The following IGSF22 variants were observed in gnomAD, a reference collection of about 807,000 sequenced individuals.
The protein encoded by IGSF22 is immunoglobulin superfamily member 22.
A neutral mutation model predicts 127.0 loss-of-function variants in IGSF22; 119 were observed. The ratio of observed to expected loss-of-function variants is 0.94; its 90% CI spans 0.81 to 1.09. The LOEUF is 1.09. Among genes scored for constraint, IGSF22 ranks in the 50% least tolerant of loss-of-function variants. IGSF22 has a pLI of 0.00. For missense variants in IGSF22, 1,518 were observed against 1,716.6 expected (o/e 0.88, Z 2.04); for synonymous variants, 568 against 664.7 (o/e 0.85, Z 2.24).
rs1564873706 is a variant in IGSF22, at chr11:18,716,964, A to G, written c.1010T>C (p.Val337Ala). The G allele has an allele frequency of 6.2e-7, 1 of 1,614,110 alleles. No individual in the cohort carries two copies. The change falls in exon 10 of 23, where the codon GTG becomes GCG. Residue 337 changes from valine (V) to alanine (A), a missense_variant. Val to Ala is a moderately conservative substitution (Grantham distance 64). Around this residue, in one of 3 missense-constraint regions of IGSF22, gnomAD observed 1,456 missense variants for 1,644.9 expected, o/e 0.89. Transcript: ENST00000513874. The surrounding 1 kb of genome is among the most constrained non-coding windows in gnomAD (Gnocchi z 4.5). Reference protein sequence around the residue: ...PLKFLGEMKPVKVTERQTAVF... With the variant: ...PLKFLGEMKPAKVTERQTAVF... Reference sequence around the variant, plus strand: ...AGCTGTCTGGCGCTCTGTCACCTTCACAGGCTTCATCTCTCCCAGGAACTT... The same window carrying G: ...AGCTGTCTGGCGCTCTGTCACCTTCGCAGGCTTCATCTCTCCCAGGAACTT...
At chr11:18,717,562 ATTAT>A (rs1485703244) in intron 9 of IGSF22, among the ~76,000 whole-genome samples, 1 of 151,978 alleles carries the variant, frequency 6.6e-6, no homozygotes, top group African/African-American at 2.4e-5. Flanking sequence ...TACCTGGCCA[ATTAT>A]TTATTTATTT....
intron 15 of IGSF22, among the ~76,000 whole-genome samples, chr11:18,711,551 C>T (rs921840941): frequency 6.6e-6 from 1 of 152,116 alleles, no homozygotes; most frequent in Non-Finnish European, 1.5e-5. Flanking sequence ...GAGCCCGCCA[C>T]CACACCCAGC....
At chr11:18,708,085 G>T in intron 19 of IGSF22, 89 bp from the exon 20 acceptor site, 1 of 1,548,500 alleles carries the variant, frequency 6.5e-7, no homozygotes, top group Non-Finnish European at 8.9e-7. Context: ...TTCCTGCCAG[G>T]CTGTCGCACT....
At chr11:18,721,414 T>A (rs1203414897) in intron 4 of IGSF22, 121 bp downstream of exon 4, 1 of 1,332,168 alleles carries the variant, frequency 7.5e-7, no homozygotes, top group Non-Finnish European at 1.1e-6. Context: ...CAGCTGCTTT[T>A]CCCACTGCCC....
chr11:18,711,819 A>G (rs1848362139), intron 15 of IGSF22, among the ~76,000 whole-genome samples: 1 of 152,210 alleles, frequency 6.6e-6, no homozygotes, highest in Non-Finnish European at 1.5e-5. Context: ...TCTGGGATGG[A>G]GAAAGAAGTG....
Position 18,707,017 on chromosome 11 carries a change from C to CA in IGSF22, c.3476dup (p.Leu1160AlafsTer15), listed in dbSNP as rs1412484118. 1.3e-6 allele frequency: 2 copies of CA among 1,551,514 alleles called. No homozygotes were observed. Among genetic ancestry groups the CA allele is most frequent in the South Asian group, 2.4e-5 (2 of 84,026 alleles). On this transcript the variant is annotated frameshift_variant, in exon 21 of 23. Transcript: ENST00000513874. LOFTEE classifies it high-confidence loss of function. ...TGAAGTAGTACTTCCTGCCTGGGAG[C>CA]AGCCCCGTCACTGTGTACTTGTTGC...
Position 18,712,178 on chromosome 11 carries a change from C to T in IGSF22, c.2302G>A (p.Glu768Lys). 1 of 1,551,754 alleles carries T rather than the reference C, an allele frequency of 6.4e-7. No homozygotes were observed. Among genetic ancestry groups the T allele is most frequent in the Non-Finnish European group, 8.7e-7 (1 of 1,146,996 alleles). ...VTNFSTNKVE[E>K]GKAYQFRILA... ...ATACGGAACTGGTAGGCTTTTCCCT[C>T]TTCCACCTTGTTGGTGGAGAAGTTG... Residue 768 changes from glutamate to lysine, a missense_variant, in exon 15 of 23, where the codon GAG (glutamate) becomes AAG (lysine). By Grantham distance (56) the Glu-to-Lys change is moderately conservative (BLOSUM62 1). Coordinates refer to ENST00000513874, the MANE Select transcript of IGSF22 (RefSeq NM_173588.4).
rs570559851 is a variant in IGSF22 at position 18,723,877 on chromosome 11, A to G, written c.109+251T>C. ...TCCTTCAGCAATTAAGAGTTTATCA[A>G]TCATTCACACACATCCACATGATTG... On this transcript the variant is annotated intron_variant, in intron 2 of 22. Coordinates refer to ENST00000513874, the MANE Select transcript of IGSF22 (RefSeq NM_173588.4). Among the ~76,000 whole-genome samples the G allele has an allele frequency of 7.2e-5, 11 of 152,386 alleles. No homozygotes were observed. The South Asian group carries it at 2.3e-3, about 32-fold the overall frequency.
rs769063292 is a variant in IGSF22 at position 18,716,977 on chromosome 11, C to G, written c.997G>C (p.Glu333Gln). 6.2e-7 allele frequency: 1 copy of G among 1,614,160 alleles called. No individual in the cohort carries two copies. Among genetic ancestry groups the G allele is most frequent in the South Asian group, 1.1e-5 (1 of 91,074 alleles). ...TCTGTCACCTTCACAGGCTTCATCTCTCCCAGGAACTTCAGTGGCTCATCT... is the reference window on the plus strand; with the variant it reads ...TCTGTCACCTTCACAGGCTTCATCTGTCCCAGGAACTTCAGTGGCTCATCT... ...VLDEPLKFLG[E>Q]MKPVKVTERQ... is the part of the protein sequence containing the mutation. Residue 333 changes from glutamate to glutamine, a missense_variant, in exon 10 of 23, where the codon GAG (glutamate) becomes CAG (glutamine). By Grantham distance (29) the Glu-to-Gln change is conservative. Around this residue, in one of 3 missense-constraint regions of IGSF22, gnomAD observed 1,456 missense variants for 1,644.9 expected, o/e 0.89. Transcript: ENST00000513874. This position sits in a 1 kb window ranked among gnomAD's most constrained non-coding sequence, Gnocchi z 4.5.
intron 8 of IGSF22, among the ~76,000 whole-genome samples, 192 bp from the exon 9 acceptor site, chr11:18,718,285 C>T (rs1321380053): frequency 6.6e-6 from 1 of 152,182 alleles, no homozygotes; most frequent in African/African-American, 2.4e-5. Context: ...CACAGGCCTC[C>T]TCACAGGCCC....
In IGSF22 at chr11:18,716,967, G is replaced by A. The variant is rs761038190; in HGVS notation, c.1007C>T (p.Pro336Leu). Residue 336 changes from proline (P) to leucine (L), a missense_variant, in exon 10 of 23, where the codon CCT (proline) becomes CTT (leucine). This residue lies in a region of IGSF22 where 1,456 missense variants were observed against 1,644.9 expected (regional missense o/e 0.89). Coordinates refer to ENST00000513874, the MANE Select transcript of IGSF22 (RefSeq NM_173588.4). The surrounding 1 kb of genome is among the most constrained non-coding windows in gnomAD (Gnocchi z 4.5). ...TGTCTGGCGCTCTGTCACCTTCACAGGCTTCATCTCTCCCAGGAACTTCAG... is the reference window on the plus strand; with the variant it reads ...TGTCTGGCGCTCTGTCACCTTCACAAGCTTCATCTCTCCCAGGAACTTCAG... Reference protein sequence around the residue: ...EPLKFLGEMKPVKVTERQTAV... With the variant: ...EPLKFLGEMKLVKVTERQTAV... The A allele has an allele frequency of 2.5e-6, 4 of 1,614,158 alleles. No homozygotes were observed. The East Asian group carries it at 6.7e-5, about 27-fold the overall frequency.
chr11:18,707,794 C>CT lies in IGSF22; in HGVS notation c.3280+9dup. ...GATGGGTCTTGGAGGCCTCTGCCTT[C>CT]TCTCCATACCTGCCACGCGCACATG... On this transcript the variant is annotated intron_variant, in intron 20 of 22. Transcript: ENST00000513874. 6.4e-7 allele frequency: 1 copy of CT among 1,564,512 alleles called. No individual in the cohort carries two copies. The highest frequency in any genetic ancestry group is 8.7e-7 in the Non-Finnish European group (1 of 1,153,892).
At chr11:18,707,757 A>T in intron 20 of IGSF22, 47 bp downstream of exon 20, 1 of 1,486,084 alleles carries the variant, frequency 6.7e-7, no homozygotes, top group Non-Finnish European at 9.2e-7. Context: ...TGTGCTTTGG[A>T]GAGTGTACAG....
In IGSF22 at chr11:18,714,139, G is replaced by T; in HGVS notation, c.1808C>A (p.Thr603Asn). ...TGCCTCCAGTACTGACGGGTCGATG[G>T]TAGGAGGATCTGTGGGGCGGGGCGG... Reference protein sequence around the residue: ...EASVFIADPPTIDPSVLEALA... With the variant: ...EASVFIADPPNIDPSVLEALA... The change falls in exon 14 of 23, where the codon ACC becomes AAC. Residue 603 changes from threonine to asparagine, a missense_variant. Coordinates refer to ENST00000513874, the MANE Select transcript of IGSF22 (RefSeq NM_173588.4). The T allele has an allele frequency of 6.2e-7, 1 of 1,610,436 alleles. No individual in the cohort carries two copies.
Position 18,719,987 on chromosome 11 carries a change from C to G in IGSF22, c.518+77G>C, listed in dbSNP as rs1270468611. On this transcript the variant is annotated intron_variant, in intron 6 of 22. Transcript: ENST00000513874. ...TCCATGGATTCTTGGAACTCAGGGC[C>G]TTGTTGAGAGGCCTTTGAGAGGCTT... 3.1e-6 allele frequency: 5 copies of G among 1,610,556 alleles called. No individual in the cohort carries two copies. In the Admixed American group the frequency reaches 5.0e-5, roughly 16 times the overall value.
intron 14 of IGSF22, 71 bp downstream of exon 14, chr11:18,713,781 C>T (rs1848400995): frequency 1.2e-5 from 15 of 1,269,466 alleles, no homozygotes; most frequent in African/African-American, 4.5e-5. Flanking sequence ...CCTACTCAGC[C>T]TGCCTTCTGC....
At position 18,705,815 on chromosome 11, in the gene IGSF22, A is replaced by G. The variant is rs1373068079; in HGVS notation, c.3910+2T>C. ...CGAGGCCGGACCCCGCGGCGCCCTC[A>G]CCATAGACGGTGAGCGTGCAGCTGC... On this transcript the variant is annotated splice_donor_variant, in intron 22 of 22. Transcript: ENST00000513874. LOFTEE classifies it high-confidence loss of function. 6 of 1,537,294 alleles carry G rather than the reference A, an allele frequency of 3.9e-6. No individual in the cohort carries two copies. Among genetic ancestry groups the G allele is most frequent in the Non-Finnish European group, 4.4e-6 (5 of 1,139,102 alleles).
chr11:18,707,139 TGTGGTTCCA>T lies in IGSF22; in HGVS notation c.3346_3354del (p.Trp1116_His1118del). 6.4e-7 allele frequency: 1 copy of T among 1,551,598 alleles called. No homozygotes were observed. The highest frequency in any genetic ancestry group is 8.7e-7 in the Non-Finnish European group (1 of 1,146,936). On this transcript the variant is annotated inframe_deletion, in exon 21 of 23. Coordinates refer to ENST00000513874, the MANE Select transcript of IGSF22 (RefSeq NM_173588.4). Reference sequence around the variant, plus strand: ...TCACCGTCCTCCTGCACATCTGGGCTGTGGTTCCAGGTCAGAGTCACTGTGTTGGGGACT... The same window carrying T: ...TCACCGTCCTCCTGCACATCTGGGCTGGTCAGAGTCACTGTGTTGGGGACT...
At chr11:18,717,264 A>T (rs1270425118) in intron 9 of IGSF22, among the ~76,000 whole-genome samples, 1 of 152,178 alleles carries the variant, frequency 6.6e-6, no homozygotes, top group East Asian at 1.9e-4. Context: ...TAGCCATACT[A>T]ATTCATCCAA....
Sources: allele counts gnomAD v4.1 joint callset (sites outside exome capture counted in the v4.1 genomes callset), GRCh38; gene constraint gnomAD v4.1.1; regional missense constraint gnomAD v4.1.1; non-coding constraint Gnocchi (gnomAD v3.1); transcripts MANE v1.5; gene names NCBI Gene and HGNC (gene_info 2026-07-23, HGNC 2026-07-21).